Variants in SLC22A15 observed in about 807,000 individuals in gnomAD.
The protein encoded by SLC22A15 is solute carrier family 22 member 15.
SLC22A15 carries 45 observed loss-of-function variants against 62.7 expected under a neutral mutation model. The observed-to-expected ratio is 0.72, with a 90% confidence interval of 0.56 to 0.92. The LOEUF (loss-of-function observed/expected upper bound fraction) is 0.92, where lower values mean the gene tolerates loss of function less well. SLC22A15 is among the 40% of genes least tolerant of loss of function. The pLI is 0.00. For missense variants in SLC22A15, 622 were observed against 665.6 expected (o/e 0.93, Z 0.72); for synonymous variants, 264 against 267.0 (o/e 0.99, Z 0.11).
intron 2 of SLC22A15, among the ~76,000 whole-genome samples, chr1:115,996,229 A>G (rs1012307786): frequency 3.9e-5 from 6 of 152,252 alleles, no homozygotes; most frequent in African/African-American, 1.4e-4. Context: ...TACTGTAGTT[A>G]TATAAGCAGA....
chr1:116,000,764 G>A (rs568033229), intron 2 of SLC22A15, among the ~76,000 whole-genome samples: 1 of 151,360 alleles, frequency 6.6e-6, no homozygotes, highest in South Asian at 2.1e-4. Flanking sequence ...CCGAGTAGCT[G>A]GGACTGCAGG....
intron 2 of SLC22A15, among the ~76,000 whole-genome samples, chr1:116,015,651 C>A (rs1019052952): frequency 6.6e-6 from 1 of 152,162 alleles, no homozygotes; most frequent in African/African-American, 2.4e-5. Context: ...AGATCAGTAT[C>A]TTGGCCGTGT....
chr1:116,031,322 G>T (rs1196919847), intron 5 of SLC22A15, 44 bp from the exon 6 acceptor site: 1 of 1,441,070 alleles, frequency 6.9e-7, no homozygotes, highest in South Asian at 1.2e-5. Flanking sequence ...TCCTGTGCAC[G>T]TGTACCTATA....
chr1:116,035,078 C>G, intron 6 of SLC22A15, 109 bp from the exon 7 acceptor site: 2 of 1,157,358 alleles, frequency 1.7e-6, no homozygotes, highest in Non-Finnish European at 2.4e-6. Flanking sequence ...TACAGCAGAT[C>G]AAGCAATTAT....
chr1:116,028,012 AATTTTCAGCCAGT>A (rs777815521), intron 5 of SLC22A15, among the ~76,000 whole-genome samples: 7 of 152,154 alleles, frequency 4.6e-5, no homozygotes, highest in Non-Finnish European at 1.0e-4. Context: ...ACATAAACAA[AATTTTCAGCCAGT>A]ATTTCCTGCC....
At chr1:116,006,292 G>C (rs112710816) in intron 2 of SLC22A15, among the ~76,000 whole-genome samples, 6 of 152,088 alleles carry the variant, frequency 3.9e-5, no homozygotes, top group South Asian at 2.1e-4. Flanking sequence ...GAGGCACCCT[G>C]GTCCCCACTG....
At chr1:116,004,672 C>T (rs550044358) in intron 2 of SLC22A15, among the ~76,000 whole-genome samples, 4 of 152,152 alleles carry the variant, frequency 2.6e-5, no homozygotes, top group South Asian at 2.1e-4. Context: ...GTTTTGGTAT[C>T]GAAGTAGTAC....
intron 8 of SLC22A15, among the ~76,000 whole-genome samples, chr1:116,055,153 G>A (rs1297803013): frequency 5.4e-5 from 8 of 149,280 alleles, no homozygotes; most frequent in South Asian, 2.1e-4. Context: ...TTGATAGACC[G>A]CTAGCAAGAC....
rs1260656595 is a variant in SLC22A15 at position 116,064,477 on chromosome 1, G to C, written c.1334G>C (p.Gly445Ala). 6.2e-7 allele frequency: 1 copy of C among 1,613,548 alleles called. No individual in the cohort carries two copies. Among genetic ancestry groups the C allele is most frequent in the Non-Finnish European group, 8.5e-7 (1 of 1,179,606 alleles). The change falls in exon 10 of 12, where the codon GGT becomes GCT. Residue 445 changes from glycine (G) to alanine (A), a missense_variant. By Grantham distance (60) the Gly-to-Ala change is moderately conservative (BLOSUM62 0). Coordinates refer to ENST00000369503, the MANE Select transcript of SLC22A15 (RefSeq NM_018420.3). ...LGTCSMFSRV[G>A]GIIAPFIPSL... The stretch of plus-strand genomic sequence containing the variant: ...ACTTGTTCCATGTTCTCCCGAGTTG[G>C]TGGGATTATTGCTCCCTTCATCCCC...
At chr1:116,066,319 A>G (rs1041070164) in intron 10 of SLC22A15, among the ~76,000 whole-genome samples, 2 of 152,094 alleles carry the variant, frequency 1.3e-5, no homozygotes, top group Non-Finnish European at 2.9e-5. Flanking sequence ...ACTCACTCCC[A>G]TCTCTACATG....
At chr1:115,982,258 G>A (rs1008351449) in intron 1 of SLC22A15, among the ~76,000 whole-genome samples, 2 of 152,164 alleles carry the variant, frequency 1.3e-5, no homozygotes, top group African/African-American at 4.8e-5. Context: ...ACATCATATA[G>A]TACTCAACAA....
intron 2 of SLC22A15, among the ~76,000 whole-genome samples, chr1:115,995,996 TCAC>T (rs970709274): frequency 1.3e-5 from 2 of 152,206 alleles, no homozygotes; most frequent in African/African-American, 4.8e-5. Context: ...AACATTTCCA[TCAC>T]CACAAGGATC....
intron 10 of SLC22A15, among the ~76,000 whole-genome samples, chr1:116,064,801 A>G (rs1246816170): frequency 6.6e-6 from 1 of 152,066 alleles, no homozygotes; most frequent in Non-Finnish European, 1.5e-5. Context: ...AGTATGTATG[A>G]CACTTCTGCT....
At position 116,031,600 on chromosome 1, in the gene SLC22A15, G is replaced by A. The variant is rs1295027642; in HGVS notation, c.944+19G>A. On this transcript the variant is annotated intron_variant, in intron 6 of 11. Transcript: ENST00000369503. Reference sequence around the variant, plus strand: ...TCATCTGGTAATTATACTAAGGCGTGTTCTGTTGCTCTTTAACTAAGGTTG... The same window carrying A: ...TCATCTGGTAATTATACTAAGGCGTATTCTGTTGCTCTTTAACTAAGGTTG... 1.9e-6 allele frequency: 3 copies of A among 1,611,394 alleles called. No individual in the cohort carries two copies. The highest frequency in any genetic ancestry group is 1.7e-6 in the Non-Finnish European group (2 of 1,178,334).
chr1:115,976,765 CG>C, intron 1 of SLC22A15, 51 bp downstream of exon 1: 1 of 1,436,924 alleles, frequency 7.0e-7, no homozygotes, highest in Non-Finnish European at 9.5e-7. Context: ...GGCCGCCCGG[CG>C]CAGGGCTAGG....
chr1:116,021,414 T>A (rs1656831852), intron 4 of SLC22A15, among the ~76,000 whole-genome samples: 1 of 152,192 alleles, frequency 6.6e-6, no homozygotes, highest in Non-Finnish European at 1.5e-5. Context: ...AAGAACTACA[T>A]AGATAGTAAA....
chr1:116,005,319 G>A (rs1221851986), intron 2 of SLC22A15, among the ~76,000 whole-genome samples: 2 of 151,980 alleles, frequency 1.3e-5, no homozygotes. Context: ...GATATTCCAA[G>A]TTCATCTTGT....
At chr1:116,060,516 A>G (rs1658354555) in intron 8 of SLC22A15, among the ~76,000 whole-genome samples, 1 of 152,220 alleles carries the variant, frequency 6.6e-6, no homozygotes, top group Non-Finnish European at 1.5e-5. Context: ...GCAGTTCTTT[A>G]GCCTGTTGTT....
chr1:116,024,567 A>G (rs2101365743), intron 4 of SLC22A15, among the ~76,000 whole-genome samples: 1 of 152,350 alleles, frequency 6.6e-6, no homozygotes, highest in South Asian at 2.1e-4. Context: ...CAAGTAACAT[A>G]GAGCCTTATT....
Sources: allele counts gnomAD v4.1 joint callset (sites outside exome capture counted in the v4.1 genomes callset), GRCh38; gene constraint gnomAD v4.1.1; transcripts MANE v1.5; gene names NCBI Gene and HGNC (gene_info 2026-07-23, HGNC 2026-07-21).